HIVEP2: variants seen among roughly 807,000 people sequenced by gnomAD.
HIVEP2 encodes the protein HIVEP zinc finger 2.
HIVEP2 carries 14 observed loss-of-function variants against 180.7 expected under a neutral mutation model. The observed-to-expected ratio is 0.08, with a 90% CI of 0.05 to 0.12. The LOEUF is 0.12. Among genes scored for constraint, HIVEP2 ranks in the 10% least tolerant of loss-of-function variants. The pLI, the probability that HIVEP2 is intolerant of heterozygous loss-of-function variation, is 1.00. For synonymous variants in HIVEP2, 1,184 were observed against 1,136.4 expected (o/e 1.04, Z -0.84); for missense variants, 2,579 against 3,008.5 (o/e 0.86, Z 3.34).
rs185791595 is a variant in HIVEP2 at position 142,827,078 on chromosome 6, T to C, written c.-528+9857A>G. 8.3e-4 allele frequency among the ~76,000 whole-genome samples: 126 copies of C among 152,352 alleles called. 1 individual carries two copies. Among genetic ancestry groups the C allele is most frequent in the African/African-American group, 3.0e-3 (123 of 41,578 alleles). ...GCAATTGCTTCTTCTTCCATTCTAC[T>C]ACTCCTGTTAATTTCTCTCTTGTTA... is the stretch of plus-strand genomic sequence containing the variant. On this transcript the variant is annotated intron_variant, in intron 2 of 9. Transcript: ENST00000367603.
intron 1 of HIVEP2, among the ~76,000 whole-genome samples, chr6:142,927,505 A>G (rs1476884882): frequency 6.6e-6 from 1 of 152,178 alleles, no homozygotes; most frequent in Non-Finnish European, 1.5e-5. Flanking sequence ...GAAAGTAGGC[A>G]AGAAGGCCCC....
intron 2 of HIVEP2, among the ~76,000 whole-genome samples, chr6:142,808,705 G>A (rs1156714224): frequency 6.7e-6 from 1 of 148,680 alleles, no homozygotes; most frequent in Non-Finnish European, 1.5e-5. Flanking sequence ...TGGATGGAGG[G>A]ATGGAGGAAA....
At chr6:142,872,288 C>T (rs1356603776) in intron 1 of HIVEP2, among the ~76,000 whole-genome samples, 1 of 152,244 alleles carries the variant, frequency 6.6e-6, no homozygotes, top group East Asian at 1.9e-4. Flanking sequence ...TATCATCAGA[C>T]CTGAATAACA....
chr6:142,857,827 A>C (rs1775863586), intron 1 of HIVEP2, among the ~76,000 whole-genome samples: 1 of 152,050 alleles, frequency 6.6e-6, no homozygotes, highest in Non-Finnish European at 1.5e-5. Context: ...CTTTGTTAAG[A>C]CTTGTGTGGC....
intron 1 of HIVEP2, among the ~76,000 whole-genome samples, chr6:142,876,614 C>T (rs1330053624): frequency 3.9e-5 from 6 of 152,134 alleles, no homozygotes; most frequent in Admixed American, 1.3e-4. Context: ...TTGAGTGCCA[C>T]TAATCCCAAG....
intron 1 of HIVEP2, among the ~76,000 whole-genome samples, chr6:142,923,262 C>T (rs1041030703): frequency 2.0e-5 from 3 of 151,334 alleles, no homozygotes; most frequent in African/African-American, 7.3e-5. Flanking sequence ...ATCCGGGAGG[C>T]GGAGGTTGCA....
At chr6:142,827,929 C>T (rs1774957335) in intron 2 of HIVEP2, among the ~76,000 whole-genome samples, 1 of 152,192 alleles carries the variant, frequency 6.6e-6, no homozygotes, top group African/African-American at 2.4e-5. Context: ...GGCTTTTCCT[C>T]ACTGGTGTAC....
chr6:142,873,688 T>C (rs559650977), intron 1 of HIVEP2, among the ~76,000 whole-genome samples: 2 of 152,242 alleles, frequency 1.3e-5, no homozygotes, highest in East Asian at 3.9e-4. Flanking sequence ...GGTTCATATA[T>C]TGCATGAAAA....
At chr6:142,807,165 G>T (rs1259588914) in intron 2 of HIVEP2, among the ~76,000 whole-genome samples, 1 of 152,172 alleles carries the variant, frequency 6.6e-6, no homozygotes, top group Non-Finnish European at 1.5e-5. Context: ...GAAAGACTAA[G>T]CATTGAGCAA....
Position 142,772,128 on chromosome 6 carries a change from G to C in HIVEP2, c.2611C>G (p.Gln871Glu). Residue 871 changes from glutamine (Q) to glutamate (E), a missense_variant, in exon 5 of 10, where the codon CAG becomes GAG. By Grantham distance (29) the Gln-to-Glu change is conservative (BLOSUM62 2). Transcript: ENST00000367603. This position sits in a 1 kb window ranked among gnomAD's most constrained non-coding sequence, Gnocchi z 4.9. Reference protein sequence around the residue: ...GKPSPSQQVQQQSYHTQPRLV... With the variant: ...GKPSPSQQVQEQSYHTQPRLV... The stretch of plus-strand genomic sequence containing the variant: ...CTGGGCTGTGTGTGATAGGACTGCT[G>C]CTGCACCTGCTGAGATGGAGAGGGT... The C allele has an allele frequency of 1.9e-6, 3 of 1,614,178 alleles. No homozygotes were observed. The highest frequency in any genetic ancestry group is 2.5e-6 in the Non-Finnish European group (3 of 1,180,034).
intron 1 of HIVEP2, among the ~76,000 whole-genome samples, chr6:142,866,818 A>T (rs1293710391): frequency 1.3e-5 from 2 of 152,182 alleles, no homozygotes; most frequent in Non-Finnish European, 2.9e-5. Context: ...AATGAGCCTC[A>T]GGCCAATGTG....
intron 1 of HIVEP2, among the ~76,000 whole-genome samples, chr6:142,874,494 G>T (rs1304979735): frequency 6.6e-6 from 1 of 152,052 alleles, no homozygotes; most frequent in Non-Finnish European, 1.5e-5. Context: ...GAATTATAAG[G>T]CATGTACTGA....
At chr6:142,807,177 G>A (rs949416247) in intron 2 of HIVEP2, among the ~76,000 whole-genome samples, 1 of 152,196 alleles carries the variant, frequency 6.6e-6, no homozygotes. Flanking sequence ...ATTGAGCAAG[G>A]AGGAGTCAAC....
rs143338353 is a variant in HIVEP2, at chr6:142,836,010, G to A, written c.-528+925C>T. On this transcript the variant is annotated intron_variant, in intron 2 of 9. Transcript: ENST00000367603. ...GATTAGACACTTTCCTCTCTTGTTC[G>A]TTATCAGTCATCAGGTTTTAAAATA... Among the ~76,000 whole-genome samples, 59 of 152,222 alleles carry A rather than the reference G, an allele frequency of 3.9e-4. No individual in the cohort carries two copies. The East Asian group carries it at 0.011, about 27-fold the overall frequency.
intron 1 of HIVEP2, among the ~76,000 whole-genome samples, chr6:142,861,513 T>C (rs1238553258): frequency 6.6e-6 from 1 of 152,224 alleles, no homozygotes; most frequent in Admixed American, 6.5e-5. Context: ...TTGGATACAG[T>C]AGAATAGCAC....
chr6:142,852,376 C>T (rs1376690069), intron 1 of HIVEP2, among the ~76,000 whole-genome samples: 1 of 152,046 alleles, frequency 6.6e-6, no homozygotes, highest in Non-Finnish European at 1.5e-5. Flanking sequence ...AACAATTGTG[C>T]ATTCCCATAA....
intron 2 of HIVEP2, among the ~76,000 whole-genome samples, chr6:142,786,314 A>G (rs753030829): frequency 6.6e-6 from 1 of 152,252 alleles, no homozygotes; most frequent in Non-Finnish European, 1.5e-5. Context: ...AGAACTTAAC[A>G]GGCAATGAAA....
In HIVEP2 at chr6:142,760,988, A is replaced by G. The variant is rs182499506; in HGVS notation, c.5621-321T>C. On this transcript the variant is annotated intron_variant, in intron 8 of 9. Transcript: ENST00000367603. ...TTAATTATGATGCTAGAGGAGAAAG[A>G]AAGGCAACAACCTGTCTCTGCAAGC... 1.3e-3 allele frequency among the ~76,000 whole-genome samples: 197 copies of G among 152,360 alleles called. 1 individual carries two copies. In the Middle Eastern group the frequency reaches 0.02, roughly 16 times the overall value.
Position 142,774,771 on chromosome 6 carries a change from C to T in HIVEP2, c.-33G>A, listed in dbSNP as rs1039053765. The stretch of plus-strand genomic sequence containing the variant: ...CACAAGGTCTTAAGTGCTAGTTCCC[C>T]TGAAAGCAGTGCAGACTCATGGAGT... On this transcript the variant is annotated 5_prime_UTR_variant, in exon 5 of 10. Transcript: ENST00000367603. The surrounding 1 kb of genome is among the most constrained non-coding windows in gnomAD (Gnocchi z 5.1). The T allele has an allele frequency of 1.2e-6, 2 of 1,601,544 alleles. No individual in the cohort carries two copies. Among genetic ancestry groups the T allele is most frequent in the South Asian group, 1.1e-5 (1 of 88,666 alleles).
Sources: gnomAD v4.1 joint callset for allele counts (sites outside exome capture counted in the v4.1 genomes callset) on GRCh38, gnomAD v4.1.1 for gene constraint, Gnocchi (gnomAD v3.1) non-coding constraint, MANE v1.5 for transcripts, NCBI Gene and HGNC (gene_info 2026-07-23, HGNC 2026-07-21) for gene names.